The following SYNDIG1 variants were observed in gnomAD, a reference collection of about 807,000 sequenced individuals.
SYNDIG1 encodes synapse differentiation-inducing gene protein 1.
SYNDIG1 carries 9 observed loss-of-function variants against 19.4 expected under a neutral mutation model. The ratio of observed to expected loss-of-function variants is 0.46; its 90% CI spans 0.28 to 0.81. SYNDIG1 has a LOEUF of 0.81. Among genes scored for constraint, SYNDIG1 ranks in the 30% least tolerant of loss-of-function variants. The probability of loss-of-function intolerance (pLI) is 0.12; values close to 1 mark genes in which losing one functional copy is unlikely to be tolerated. For synonymous variants in SYNDIG1, 141 were observed against 145.9 expected (o/e 0.97, Z 0.24); for missense variants, 311 against 343.3 (o/e 0.91, Z 0.74).
chr20:24,544,004 C>T (rs1484205406), intron 2 of SYNDIG1, among the ~76,000 whole-genome samples: 5 of 152,184 alleles, frequency 3.3e-5, no homozygotes, highest in African/African-American at 1.2e-4. Context: ...CCTGTGGTTC[C>T]TTGACTTTGC....
At chr20:24,519,602 C>A (rs1361486855) in intron 1 of SYNDIG1, among the ~76,000 whole-genome samples, 1 of 152,188 alleles carries the variant, frequency 6.6e-6, no homozygotes, top group South Asian at 2.1e-4. Flanking sequence ...TTACCCTCTT[C>A]CACAAAATGG....
chr20:24,603,390 A>T (rs976958973), intron 3 of SYNDIG1, among the ~76,000 whole-genome samples: 1 of 152,028 alleles, frequency 6.6e-6, no homozygotes, highest in South Asian at 2.1e-4. Flanking sequence ...TCTGCCATTG[A>T]GCAGGGAGGT....
intron 3 of SYNDIG1, among the ~76,000 whole-genome samples, chr20:24,638,954 CCTGGA>C (rs1375375368): frequency 6.6e-6 from 1 of 152,150 alleles, no homozygotes; most frequent in Non-Finnish European, 1.5e-5. Flanking sequence ...GAGATGGCAA[CCTGGA>C]CTGGAAGACA....
chr20:24,555,133 G>T (rs954925328), intron 2 of SYNDIG1, among the ~76,000 whole-genome samples: 1 of 152,134 alleles, frequency 6.6e-6, no homozygotes, highest in African/African-American at 2.4e-5. Context: ...TTGTATTTCT[G>T]TGGGATTGGT....
chr20:24,622,938 T>C (rs2059061503), intron 3 of SYNDIG1, among the ~76,000 whole-genome samples: 1 of 152,004 alleles, frequency 6.6e-6, no homozygotes, highest in Admixed American at 6.6e-5. Flanking sequence ...GTTTAAACCA[T>C]AGAAAATTGA....
At chr20:24,495,643 A>G (rs73341691) in intron 1 of SYNDIG1, 1 of 152,148 alleles carries the variant, frequency 6.6e-6, no homozygotes, top group Admixed American at 6.5e-5. Flanking sequence ...TTGGGGATTT[A>G]TTTGGACAGA....
Position 24,571,715 on chromosome 20 carries a change from C to T in SYNDIG1, c.481-13141C>T, listed in dbSNP as rs1042821155. The stretch of plus-strand genomic sequence containing the variant: ...AGTGATTATTAAAAATAGCTAATGT[C>T]CAATTACCTAGAACACCCCAGCCCA... On this transcript the variant is annotated intron_variant, in intron 2 of 3. Transcript: ENST00000376862. 9.9e-5 allele frequency among the ~76,000 whole-genome samples: 15 copies of T among 152,162 alleles called. No homozygotes were observed. In the South Asian group the frequency reaches 2.5e-3, roughly 25 times the overall value.
At chr20:24,519,517 G>A (rs1330951409) in intron 1 of SYNDIG1, among the ~76,000 whole-genome samples, 2 of 152,150 alleles carry the variant, frequency 1.3e-5, no homozygotes, top group African/African-American at 2.4e-5. Context: ...TGATGAGCTG[G>A]CCATGTTGTC....
At chr20:24,498,851 G>A (rs965955921) in intron 1 of SYNDIG1, among the ~76,000 whole-genome samples, 2 of 152,150 alleles carry the variant, frequency 1.3e-5, no homozygotes, top group Non-Finnish European at 2.9e-5. Context: ...TGCCTTGGCT[G>A]TTATGAAGAA....
At chr20:24,558,912 A>G (rs2057879705) in intron 2 of SYNDIG1, among the ~76,000 whole-genome samples, 1 of 152,200 alleles carries the variant, frequency 6.6e-6, no homozygotes, top group South Asian at 2.1e-4. Context: ...TTATACAATT[A>G]TGTCTTTTAA....
At chr20:24,519,839 G>GCACA (rs148158255) in intron 1 of SYNDIG1, among the ~76,000 whole-genome samples, 5 of 148,122 alleles carry the variant, frequency 3.4e-5, no homozygotes, top group South Asian at 2.1e-4. Flanking sequence ...ACGCGCACAT[G>GCACA]CACACACACA....
intron 2 of SYNDIG1, among the ~76,000 whole-genome samples, chr20:24,565,322 C>A (rs1336329559): frequency 2.0e-5 from 3 of 152,182 alleles, no homozygotes; most frequent in African/African-American, 7.2e-5. Flanking sequence ...AATCCTATAA[C>A]CTTACATAAG....
At chr20:24,567,338 G>A (rs931805184) in intron 2 of SYNDIG1, among the ~76,000 whole-genome samples, 1 of 152,050 alleles carries the variant, frequency 6.6e-6, no homozygotes, top group Admixed American at 6.5e-5. Flanking sequence ...CAGGCTGCTT[G>A]GAGTTTTTCC....
chr20:24,642,376 C>T (rs1247303716), intron 3 of SYNDIG1, among the ~76,000 whole-genome samples: 2 of 152,144 alleles, frequency 1.3e-5, no homozygotes, highest in African/African-American at 4.8e-5. Context: ...ATTGTCAGGG[C>T]CTCCACAGCA....
intron 1 of SYNDIG1, among the ~76,000 whole-genome samples, chr20:24,497,088 G>A (rs558910144): frequency 6.6e-6 from 1 of 152,156 alleles, no homozygotes; most frequent in Non-Finnish European, 1.5e-5. Context: ...TTATTCTTCT[G>A]TTCTTACATA....
chr20:24,612,997 T>C (rs1361860508), intron 3 of SYNDIG1, among the ~76,000 whole-genome samples: 1 of 152,176 alleles, frequency 6.6e-6, no homozygotes, highest in African/African-American at 2.4e-5. Flanking sequence ...TGGGAAGGAA[T>C]GCTTTATGGA....
intron 3 of SYNDIG1, among the ~76,000 whole-genome samples, chr20:24,617,886 G>A (rs1421923529): frequency 1.4e-5 from 2 of 144,142 alleles, no homozygotes; most frequent in Non-Finnish European, 1.5e-5. Flanking sequence ...GGGGAGGGTT[G>A]AGAGCCCGGG....
At chr20:24,528,175 A>G (rs748356841) in intron 1 of SYNDIG1, among the ~76,000 whole-genome samples, 2 of 152,266 alleles carry the variant, frequency 1.3e-5, no homozygotes, top group African/African-American at 2.4e-5. Context: ...TTCTAATGCT[A>G]GAAATAACAG....
At chr20:24,638,254 A>G (rs182351948) in intron 3 of SYNDIG1, among the ~76,000 whole-genome samples, 468 of 152,338 alleles carry the variant, frequency 3.1e-3, no homozygotes, top group Non-Finnish European at 5.4e-3. Context: ...CAGGTGCAAA[A>G]TCGGATTTTT....
Sources: allele counts gnomAD v4.1 joint callset (sites outside exome capture counted in the v4.1 genomes callset), GRCh38; gene constraint gnomAD v4.1.1; transcripts MANE v1.5; gene names NCBI Gene and HGNC (gene_info 2026-07-23, HGNC 2026-07-21).